Variants in RAD51 observed in about 807,000 individuals in gnomAD.
The protein encoded by RAD51 is RAD51 recombinase, also known as DNA repair protein RAD51 homolog 1.
A neutral mutation model predicts 41.5 loss-of-function variants in RAD51; 14 were observed. That is an observed-to-expected ratio of 0.34 (90% CI 0.22 to 0.53). The LOEUF (loss-of-function observed/expected upper bound fraction) is 0.53, where lower values mean the gene tolerates loss of function less well. Ranked by LOEUF, RAD51 falls within the 20% of genes least tolerant of loss-of-function variation. RAD51 has a pLI of 0.95. For synonymous variants in RAD51, 136 were observed against 148.6 expected (o/e 0.92, Z 0.62); for missense variants, 234 against 422.0 (o/e 0.55, Z 3.90).
intron 6 of RAD51, among the ~76,000 whole-genome samples, chr15:40,725,218 G>T (rs914339382): frequency 1.3e-5 from 2 of 152,042 alleles, no homozygotes; most frequent in African/African-American, 4.8e-5. Context: ...TTTTTGTAGA[G>T]ATGAGGTCTT....
At chr15:40,720,062 C>A (rs547346694) in intron 6 of RAD51, among the ~76,000 whole-genome samples, 14 of 152,140 alleles carry the variant, frequency 9.2e-5, no homozygotes, top group African/African-American at 3.4e-4. Flanking sequence ...ATTTCACTCT[C>A]AATAATGAAT....
At chr15:40,724,706 G>A (rs1430706915) in intron 6 of RAD51, among the ~76,000 whole-genome samples, 1 of 110,552 alleles carries the variant, frequency 9.0e-6, no homozygotes, top group Non-Finnish European at 1.7e-5. Context: ...TTGAGACAGA[G>A]TCTCGCTCTG....
rs45582532 is a variant in RAD51, at chr15:40,706,684, G to A, written c.343+390G>A. On this transcript the variant is annotated intron_variant, in intron 4 of 9. Coordinates refer to ENST00000267868, the MANE Select transcript of RAD51 (RefSeq NM_002875.5). ...GCCACTGCACTCCAGCCTGGGTGACGAGCAAAACTCTGTCTCAAAAACAAA... is the reference window on the plus strand; with the variant it reads ...GCCACTGCACTCCAGCCTGGGTGACAAGCAAAACTCTGTCTCAAAAACAAA... Among the ~76,000 whole-genome samples, 1,439 of 152,040 alleles carry A rather than the reference G, an allele frequency of 9.5e-3. 14 individuals carry two copies. The highest frequency in any genetic ancestry group is 0.014 in the Non-Finnish European group (931 of 67,944).
chr15:40,705,150 C>G (rs1252300036), intron 3 of RAD51, among the ~76,000 whole-genome samples: 3 of 152,172 alleles, frequency 2.0e-5, no homozygotes, highest in Non-Finnish European at 2.9e-5. Flanking sequence ...GAATTTCTCT[C>G]TAAGCACTGC....
chr15:40,702,398 A>G (rs955281153), intron 3 of RAD51, among the ~76,000 whole-genome samples: 1 of 152,208 alleles, frequency 6.6e-6, no homozygotes, highest in Non-Finnish European at 1.5e-5. Context: ...GAACACAACA[A>G]TGCAAACCTA....
At position 40,701,087 on chromosome 15, in the gene RAD51, T is replaced by C; in HGVS notation, c.111T>C (p.Asp37=). 6.2e-7 allele frequency: 1 copy of C among 1,614,244 alleles called. No homozygotes were observed. The highest frequency in any genetic ancestry group is 1.3e-5 in the African/African-American group (1 of 75,066). ...AGCAGTGTGGCATAAATGCCAACGA[T>C]GTGAAGAAATTGGAAGAAGCTGGAT... ...RLEQCGINAN[D]VKKLEEAGFH... The change falls in exon 3 of 10, where the codon GAT becomes GAC. Residue 37 remains aspartate, a synonymous_variant. Transcript: ENST00000267868.
chr15:40,726,069 C>A (rs2141873955), intron 6 of RAD51, among the ~76,000 whole-genome samples: 1 of 152,252 alleles, frequency 6.6e-6, no homozygotes, highest in African/African-American at 2.4e-5. Flanking sequence ...ACCACAATTG[C>A]TAGCCTTTCT....
At chr15:40,720,272 C>G (rs879509581) in intron 6 of RAD51, among the ~76,000 whole-genome samples, 5 of 151,896 alleles carry the variant, frequency 3.3e-5, no homozygotes, top group Admixed American at 6.6e-5. Flanking sequence ...TTAGAAGAGA[C>G]AGGGTTTCTC....
At chr15:40,724,993 G>A (rs547697854) in intron 6 of RAD51, among the ~76,000 whole-genome samples, 38 of 145,992 alleles carry the variant, frequency 2.6e-4, no homozygotes, top group South Asian at 1.1e-3. Context: ...TCCGCTTCCC[G>A]GGTCCACGCC....
intron 4 of RAD51, 97 bp from the exon 5 acceptor site, chr15:40,708,928 C>A: frequency 2.7e-6 from 3 of 1,118,586 alleles, no homozygotes; most frequent in African/African-American, 1.5e-5. Flanking sequence ...TTTTAACTTA[C>A]ATAAACATCT....
intron 1 of RAD51, chr15:40,695,651 G>C (rs1403201799): frequency 1.3e-5 from 2 of 152,242 alleles, no homozygotes; most frequent in African/African-American, 4.8e-5. Context: ...AGCCTTTATA[G>C]GCAACACCTA....
intron 5 of RAD51, among the ~76,000 whole-genome samples, chr15:40,711,657 A>T (rs1490271483): frequency 6.6e-6 from 1 of 152,234 alleles, no homozygotes; most frequent in African/African-American, 2.4e-5. Flanking sequence ...AAAGCATTTA[A>T]CTGTATAGAA....
In RAD51 at chr15:40,721,468, C is replaced by T. The variant is rs925024623; in HGVS notation, c.530+2569C>T. On this transcript the variant is annotated intron_variant, in intron 6 of 9. Coordinates refer to ENST00000267868, the MANE Select transcript of RAD51 (RefSeq NM_002875.5). ...AGTTCGGAAATGAAACCTTTATGGT[C>T]ACTTCATTTTTGACAAAGGTAACAG... Among the ~76,000 whole-genome samples, 36 of 152,090 alleles carry T rather than the reference C, an allele frequency of 2.4e-4. 1 individual carries two copies. The highest frequency in any genetic ancestry group is 3.2e-3 in the Middle Eastern group (1 of 316).
chr15:40,724,211 T>C (rs1157062173), intron 6 of RAD51, among the ~76,000 whole-genome samples: 1 of 152,206 alleles, frequency 6.6e-6, no homozygotes, highest in East Asian at 1.9e-4. Context: ...AGTCTGATCT[T>C]AGTTTTCTGA....
At chr15:40,726,584 GTTA>G (rs1262717295) in intron 6 of RAD51, among the ~76,000 whole-genome samples, 3 of 151,060 alleles carry the variant, frequency 2.0e-5, no homozygotes, top group African/African-American at 7.3e-5. Flanking sequence ...GGTGTTCCAG[GTTA>G]TTATCTTTAA....
At chr15:40,725,135 A>G (rs554137855) in intron 6 of RAD51, among the ~76,000 whole-genome samples, 134 of 151,518 alleles carry the variant, frequency 8.8e-4, no homozygotes, top group African/African-American at 3.2e-3. Context: ...TCCTGACCTC[A>G]TGATCCACCC....
intron 4 of RAD51, 148 bp from the exon 5 acceptor site, chr15:40,708,877 A>T: frequency 1.3e-6 from 1 of 769,334 alleles, no homozygotes. Context: ...GCTAGCCTCA[A>T]AATACATTTG....
intron 9 of RAD51, 59 bp from the exon 10 acceptor site, chr15:40,730,996 C>A: frequency 6.2e-7 from 1 of 1,610,118 alleles, no homozygotes; most frequent in Admixed American, 1.7e-5. Flanking sequence ...GTTACAAAGT[C>A]AGGAACGGAA....
At chr15:40,697,764 G>A (rs1595974237) in intron 1 of RAD51, among the ~76,000 whole-genome samples, 1 of 150,754 alleles carries the variant, frequency 6.6e-6, no homozygotes, top group Non-Finnish European at 1.5e-5. Flanking sequence ...TGTTAGCCAG[G>A]ATGGTCTCGA....
Sources: allele counts gnomAD v4.1 joint callset (sites outside exome capture counted in the v4.1 genomes callset), GRCh38; gene constraint gnomAD v4.1.1; transcripts MANE v1.5; gene names NCBI Gene and HGNC (gene_info 2026-07-23, HGNC 2026-07-21).